Variants in YAP1 observed in about 807,000 individuals in gnomAD.
YAP1 encodes the protein transcriptional coactivator YAP1.
YAP1 carries 5 observed loss-of-function variants against 56.9 expected under a neutral mutation model. The observed-to-expected ratio is 0.09, with a 90% CI of 0.05 to 0.18. YAP1 has a LOEUF of 0.18. YAP1 is among the 10% of genes least tolerant of loss of function. The pLI is 1.00. For synonymous variants in YAP1, 265 were observed against 248.1 expected (o/e 1.07, Z -0.64); for missense variants, 539 against 651.8 (o/e 0.83, Z 1.88).
At chr11:102,122,884 G>A (rs1159100436) in intron 2 of YAP1, among the ~76,000 whole-genome samples, 3 of 86,874 alleles carry the variant, frequency 3.5e-5, no homozygotes, top group East Asian at 3.6e-4. Flanking sequence ...GGACAAGAGC[G>A]AGACTTCTCT....
chr11:102,140,185 T>A (rs573815173), intron 2 of YAP1, among the ~76,000 whole-genome samples: 1 of 103,046 alleles, frequency 9.7e-6, no homozygotes, highest in South Asian at 4.8e-4. Context: ...TTATTCTCTG[T>A]CCCTGTAAAA....
intron 3 of YAP1, among the ~76,000 whole-genome samples, chr11:102,179,591 T>G (rs1003185110): frequency 6.6e-6 from 1 of 152,186 alleles, no homozygotes; most frequent in Admixed American, 6.5e-5. Context: ...TGGCTAGGAG[T>G]GCATTTAGGT....
intron 4 of YAP1, among the ~76,000 whole-genome samples, chr11:102,189,710 C>T (rs1287748519): frequency 6.6e-6 from 1 of 152,124 alleles, no homozygotes; most frequent in Non-Finnish European, 1.5e-5. Flanking sequence ...AACTTGCTTT[C>T]TGTGCATTTA....
At chr11:102,146,443 A>C (rs529583440) in intron 2 of YAP1, among the ~76,000 whole-genome samples, 1 of 152,208 alleles carries the variant, frequency 6.6e-6, no homozygotes, top group Non-Finnish European at 1.5e-5. Context: ...TCATGCATGC[A>C]TTGGTAGCAT....
rs180819281 is a variant in YAP1, at chr11:102,122,669, G to A, written c.572+8275G>A. ...AGCACTTCGGAAGGCCAAGGCGGGC[G>A]GATCACCTGAGGTCAGGAGTTTGAG... On this transcript the variant is annotated intron_variant, in intron 2 of 8. Coordinates refer to ENST00000282441, the MANE Select transcript of YAP1 (RefSeq NM_001130145.3). Among the ~76,000 whole-genome samples the A allele has an allele frequency of 5.8e-3, 885 of 151,684 alleles. 10 individuals are homozygous for A. Among genetic ancestry groups the A allele is most frequent in the African/African-American group, 0.02 (845 of 41,366 alleles).
intron 2 of YAP1, among the ~76,000 whole-genome samples, chr11:102,158,068 G>C (rs986662877): frequency 6.6e-5 from 10 of 152,162 alleles, no homozygotes; most frequent in African/African-American, 2.2e-4. Context: ...GAAGGAACCA[G>C]TTTGTTAGGT....
At chr11:102,151,928 A>C (rs1945680890) in intron 2 of YAP1, among the ~76,000 whole-genome samples, 1 of 152,132 alleles carries the variant, frequency 6.6e-6, no homozygotes, top group South Asian at 2.1e-4. Context: ...TAAGAGGAGC[A>C]CTCATCCCAT....
At chr11:102,211,226 T>G (rs1949388891) in intron 6 of YAP1, among the ~76,000 whole-genome samples, 1 of 152,162 alleles carries the variant, frequency 6.6e-6, no homozygotes, top group Non-Finnish European at 1.5e-5. Flanking sequence ...ATCTGATAAA[T>G]AAGTCAAATT....
chr11:102,207,277 T>A (rs1949169656), intron 5 of YAP1, among the ~76,000 whole-genome samples: 1 of 152,198 alleles, frequency 6.6e-6, no homozygotes, highest in South Asian at 2.1e-4. Context: ...TATGAGTTTC[T>A]TAGGTTTTTT....
chr11:102,154,252 G>A (rs1262582960), intron 2 of YAP1, among the ~76,000 whole-genome samples: 1 of 152,274 alleles, frequency 6.6e-6, no homozygotes, highest in Non-Finnish European at 1.5e-5. Context: ...TCTGATTCTG[G>A]TGAACTAGGG....
Position 102,232,464 on chromosome 11 carries a change from T to C in YAP1, c.*2524T>C. ...TCTTCCTTTACCCCTCAACTTTAAT[T>C]TGCCCAGTTATACCTCAGTGTTGTA... is the stretch of plus-strand genomic sequence containing the variant. On this transcript the variant is annotated 3_prime_UTR_variant, in exon 9 of 9. Transcript: ENST00000282441. 6.6e-6 allele frequency: 1 copy of C among 152,266 alleles called. No individual in the cohort carries two copies. The highest frequency in any genetic ancestry group is 1.9e-4 in the East Asian group (1 of 5,208). The allele number at this position is 152,266 out of a possible 1,614,324, so 9.4% of individuals were successfully genotyped here. A position where few individuals can be genotyped will look rare whatever the true frequency, so the allele number is the denominator to read the frequency against.
intron 2 of YAP1, among the ~76,000 whole-genome samples, chr11:102,133,608 A>T (rs1177995142): frequency 6.6e-6 from 1 of 152,212 alleles, no homozygotes; most frequent in Non-Finnish European, 1.5e-5. Context: ...AGAATTGTTT[A>T]TCTAATGTCA....
intron 2 of YAP1, among the ~76,000 whole-genome samples, chr11:102,134,288 T>C (rs1341747817): frequency 2.0e-5 from 3 of 152,074 alleles, no homozygotes; most frequent in Non-Finnish European, 4.4e-5. Flanking sequence ...TAGTACCTTA[T>C]TATCATACTT....
At chr11:102,182,681 C>T (rs559937988) in intron 3 of YAP1, among the ~76,000 whole-genome samples, 28 of 152,266 alleles carry the variant, frequency 1.8e-4, no homozygotes, top group African/African-American at 6.7e-4. Flanking sequence ...TATCTTAATT[C>T]TATGACAAAG....
intron 2 of YAP1, among the ~76,000 whole-genome samples, chr11:102,116,288 A>G (rs1394061692): frequency 6.6e-6 from 1 of 152,184 alleles, no homozygotes; most frequent in East Asian, 1.9e-4. Flanking sequence ...AGTAATCTAG[A>G]GGTGATATAA....
chr11:102,182,873 AT>A (rs1477811634), intron 3 of YAP1, among the ~76,000 whole-genome samples: 1 of 152,202 alleles, frequency 6.6e-6, no homozygotes, highest in African/African-American at 2.4e-5. Context: ...ATTATTTTGT[AT>A]TTGGTATATA....
intron 6 of YAP1, among the ~76,000 whole-genome samples, chr11:102,214,473 A>T (rs1949566220): frequency 6.6e-6 from 1 of 152,202 alleles, no homozygotes; most frequent in African/African-American, 2.4e-5. Flanking sequence ...GAGCTATATG[A>T]AAACAATTGC....
chr11:102,214,761 TTATTAAAC>T (rs1949579019), intron 6 of YAP1, among the ~76,000 whole-genome samples: 1 of 152,200 alleles, frequency 6.6e-6, no homozygotes, highest in African/African-American at 2.4e-5. Flanking sequence ...TTCATTTGTT[TTATTAAAC>T]TTGCCTCTTC....
intron 4 of YAP1, among the ~76,000 whole-genome samples, chr11:102,188,320 GTGTGTCT>G (rs1327752219): frequency 3.3e-5 from 5 of 152,124 alleles, no homozygotes; most frequent in Admixed American, 3.3e-4. Context: ...TCAAGTAGAT[GTGTGTCT>G]TTCAGTGTCT....
Sources: gnomAD v4.1 joint callset for allele counts (sites outside exome capture counted in the v4.1 genomes callset) on GRCh38, gnomAD v4.1.1 for gene constraint, MANE v1.5 for transcripts, NCBI Gene and HGNC (gene_info 2026-07-23, HGNC 2026-07-21) for gene names.